Variants in CSGALNACT1 observed in about 807,000 individuals in gnomAD.
The protein encoded by CSGALNACT1 is beta4GalNAcT-1.
In CSGALNACT1, 52 loss-of-function variants were observed where a neutral mutation model predicts 51.0. The observed-to-expected ratio is 1.02, with a 90% confidence interval of 0.82 to 1.29. CSGALNACT1 has a LOEUF of 1.29. Ranked by LOEUF, CSGALNACT1 falls within the 50% of genes most tolerant of loss-of-function variation. CSGALNACT1 has a pLI of 0.00. For synonymous variants in CSGALNACT1, 341 were observed against 254.4 expected, an observed-to-expected ratio of 1.34 and a Z score of -3.24; for missense variants, 935 against 679.2, an observed-to-expected ratio of 1.38 and a Z score of -4.19.
intron 1 of CSGALNACT1, among the ~76,000 whole-genome samples, chr8:19,730,281 A>G (rs2063618841): frequency 6.6e-6 from 1 of 152,214 alleles, no homozygotes; most frequent in Non-Finnish European, 1.5e-5. Flanking sequence ...AGACCAAGAT[A>G]GAACAACACT....
intron 4 of CSGALNACT1, among the ~76,000 whole-genome samples, chr8:19,481,974 T>C (rs1280511396): frequency 1.3e-5 from 2 of 152,172 alleles, no homozygotes; most frequent in African/African-American, 2.4e-5. Context: ...TTTTTCCATA[T>C]ACTGCAGCTA....
chr8:19,582,360 C>T lies in CSGALNACT1; in HGVS notation c.-297+8800G>A, dbSNP rs188152397. Reference sequence around the variant, plus strand: ...TAGATAATATAAAACTTACAATGTACATTAGCAAAACTGTATGGTCCAAGT... The same window carrying T: ...TAGATAATATAAAACTTACAATGTATATTAGCAAAACTGTATGGTCCAAGT... On this transcript the variant is annotated intron_variant, in intron 3 of 9. Coordinates refer to ENST00000454498, the Ensembl canonical transcript of CSGALNACT1. Among the ~76,000 whole-genome samples, 52 of 152,310 alleles carry T rather than the reference C, an allele frequency of 3.4e-4. 1 individual carries two copies. The highest frequency in any genetic ancestry group is 1.2e-3 in the African/African-American group (48 of 41,554).
intron 1 of CSGALNACT1, among the ~76,000 whole-genome samples, chr8:19,736,977 A>G (rs188031455): frequency 3.9e-5 from 6 of 152,242 alleles, no homozygotes; most frequent in Non-Finnish European, 7.4e-5. Flanking sequence ...CAGAAAGGAG[A>G]GAGTAGAGAT....
chr8:19,555,051 C>T lies in CSGALNACT1; in HGVS notation c.-297+36109G>A, dbSNP rs144071098. Among the ~76,000 whole-genome samples, 255 of 151,908 alleles carry T rather than the reference C, an allele frequency of 1.7e-3. 1 individual carries two copies. The Middle Eastern group carries it at 0.024, about 14-fold the overall frequency. On this transcript the variant is annotated intron_variant, in intron 3 of 9. Coordinates refer to ENST00000454498, the Ensembl canonical transcript of CSGALNACT1. Reference sequence around the variant, plus strand: ...GTCAGGAGATCGAGACCATCCTAGCCAACATGGTGAAACCTTGTCTCTACT... The same window carrying T: ...GTCAGGAGATCGAGACCATCCTAGCTAACATGGTGAAACCTTGTCTCTACT...
chr8:19,741,096 G>A (rs1480777861), intron 1 of CSGALNACT1, among the ~76,000 whole-genome samples: 1 of 152,204 alleles, frequency 6.6e-6, no homozygotes, highest in Non-Finnish European at 1.5e-5. Flanking sequence ...CAAGACTGGG[G>A]TGTTGTTCTT....
chr8:19,565,767 A>C (rs1356866779), intron 3 of CSGALNACT1, among the ~76,000 whole-genome samples: 1 of 152,096 alleles, frequency 6.6e-6, no homozygotes, highest in Non-Finnish European at 1.5e-5. Flanking sequence ...AAAAATGCAA[A>C]AATTAGCCTG....
Position 19,634,783 on chromosome 8 carries a change from C to T in CSGALNACT1, c.-543-32918G>A, listed in dbSNP as rs193022354. Among the ~76,000 whole-genome samples, 60 of 152,286 alleles carry T rather than the reference C, an allele frequency of 3.9e-4. 1 individual carries two copies. The South Asian group carries it at 8.1e-3, about 21-fold the overall frequency. On this transcript the variant is annotated intron_variant, in intron 1 of 9. Coordinates refer to the CSGALNACT1 transcript ENST00000332246. ...GAGCCCTTACCAGGAAGCAAAGTGG[C>T]GCACGCCTTCATCTTGGACTTCCAG...
At position 19,453,225 on chromosome 8, in the gene CSGALNACT1, G is replaced by A. The variant is rs149756153; in HGVS notation, c.851+5201C>T. ...GACATGTTTCACACTTTATTAACAA[G>A]AATATGAATTTAATTTTTAAAAAGT... On this transcript the variant is annotated intron_variant, in intron 5 of 9. Transcript: ENST00000454498. Among the ~76,000 whole-genome samples the A allele has an allele frequency of 5.6e-3, 851 of 152,160 alleles. 6 individuals carry two copies. The highest frequency in any genetic ancestry group is 0.019 in the African/African-American group (798 of 41,518).
upstream of CSGALNACT1, chr8:19,683,026 C>T (rs2060743731): frequency 1.2e-5 from 3 of 260,348 alleles, 1 homozygote; most frequent in South Asian, 8.6e-5. Context: ...CTTTAAATGA[C>T]CCTGGAGACC....
At chr8:19,499,433 T>A (rs1380511143) in intron 4 of CSGALNACT1, among the ~76,000 whole-genome samples, 1 of 152,206 alleles carries the variant, frequency 6.6e-6, no homozygotes, top group Non-Finnish European at 1.5e-5. Flanking sequence ...GTATGGTGAA[T>A]GAGTGCAACC....
chr8:19,474,869 G>GAAAAAAA (rs10683237), intron 4 of CSGALNACT1, among the ~76,000 whole-genome samples: 11 of 86,132 alleles, frequency 1.3e-4, no homozygotes, highest in Admixed American at 3.3e-4. Context: ...CTCTGTCTCA[G>GAAAAAAA]AAAAAAAAAA....
chr8:19,553,754 G>T (rs2088908685), intron 3 of CSGALNACT1, among the ~76,000 whole-genome samples: 2 of 150,760 alleles, frequency 1.3e-5, no homozygotes, highest in Non-Finnish European at 3.0e-5. Flanking sequence ...AAACAAATGG[G>T]ACCCCAAAGA....
At position 19,659,628 on chromosome 8, in the gene CSGALNACT1, A is replaced by C. The variant is rs188802649; in HGVS notation, c.-544+22845T>G. 2.4e-4 allele frequency among the ~76,000 whole-genome samples: 37 copies of C among 152,354 alleles called. No homozygotes were observed. The East Asian group carries it at 5.4e-3, about 22-fold the overall frequency. On this transcript the variant is annotated intron_variant, in intron 1 of 9. Coordinates refer to the CSGALNACT1 transcript ENST00000332246. ...CACGAAAGTGCTTTTCAACAAAATC[A>C]GGTATCAGCTTAAATTCTCATCTTC...
rs1471005727 is a variant in CSGALNACT1 at position 19,412,557 on chromosome 8, CCTCAGCACTGAGG to C, written c.1228-3876_1228-3864del. 2.0e-5 allele frequency among the ~76,000 whole-genome samples: 3 copies of C among 152,200 alleles called. No homozygotes were observed. The East Asian group carries it at 5.8e-4, about 29-fold the overall frequency. ...GCGCCTCCTTTCAATCAGAGTCTCT[CCTCAGCACTGAGG>C]CTGCGTCTGGTCTACCTTGCATTCA... On this transcript the variant is annotated intron_variant, in intron 8 of 9. Transcript: ENST00000454498.
intron 3 of CSGALNACT1, among the ~76,000 whole-genome samples, chr8:19,522,796 C>G (rs2080980835): frequency 6.6e-6 from 1 of 152,168 alleles, no homozygotes; most frequent in African/African-American, 2.4e-5. Context: ...ATTCAATACA[C>G]TAACGTTCTA....
At chr8:19,738,971 C>G (rs1427823259) in intron 1 of CSGALNACT1, among the ~76,000 whole-genome samples, 1 of 152,022 alleles carries the variant, frequency 6.6e-6, no homozygotes, top group East Asian at 1.9e-4. Context: ...TGAGGCCCTC[C>G]TATACAACAT....
At chr8:19,420,277 G>C (rs2057701295) in intron 7 of CSGALNACT1, 63 bp downstream of exon 6, 2 of 1,482,412 alleles carry the variant, frequency 1.3e-6, no homozygotes, top group Non-Finnish European at 9.4e-7. Context: ...CCCATCAAGA[G>C]GACGACACAT....
chr8:19,460,959 G>T (rs1271159959), intron 4 of CSGALNACT1, among the ~76,000 whole-genome samples: 1 of 152,118 alleles, frequency 6.6e-6, no homozygotes, highest in Non-Finnish European at 1.5e-5. Context: ...TCTCCCTGCT[G>T]TCCTCACAGC....
intron 3 of CSGALNACT1, among the ~76,000 whole-genome samples, chr8:19,568,754 T>C (rs1292819145): frequency 6.6e-6 from 1 of 152,176 alleles, no homozygotes; most frequent in East Asian, 1.9e-4. Context: ...AACCTCGCAT[T>C]GCAGTAATTT....
Sources: gnomAD v4.1 joint callset for allele counts (sites outside exome capture counted in the v4.1 genomes callset) on GRCh38, gnomAD v4.1.1 for gene constraint, MANE v1.5 for transcripts, NCBI Gene and HGNC (gene_info 2026-07-23, HGNC 2026-07-21) for gene names.